Variants in IL1RL2 observed in about 807,000 individuals in gnomAD.
The protein encoded by IL1RL2 is interleukin-1 receptor-like 2.
A neutral mutation model predicts 66.8 loss-of-function variants in IL1RL2; 68 were observed. The observed-to-expected ratio is 1.02, with a 90% CI of 0.84 to 1.25. The LOEUF is 1.25. IL1RL2 is among the 50% of genes most tolerant of loss of function. The pLI is 0.00. For missense variants in IL1RL2, 729 were observed against 709.3 expected, an observed-to-expected ratio of 1.03 and a Z score of -0.32; for synonymous variants, 305 against 264.6, an observed-to-expected ratio of 1.15 and a Z score of -1.48.
At position 102,234,906 on chromosome 2, in the gene IL1RL2, A is replaced by G. The variant is rs1674717262; in HGVS notation, c.1307A>G (p.Asn436Ser). The G allele has an allele frequency of 3.1e-6, 5 of 1,611,318 alleles. No individual in the cohort carries two copies. The highest frequency in any genetic ancestry group is 1.3e-5 in the African/African-American group (1 of 74,962). ...CTTTCTTTATTTCCAGCCGTGGCCA[A>G]TGTCATCGATGAAAACGTTAAGCTG... ...RDEFPGQAVA[N>S]VIDENVKLCR... Residue 436 changes from asparagine to serine, a missense_variant, in exon 11 of 12, where the codon AAT becomes AGT. Transcript: ENST00000264257.
At chr2:102,241,817 G>A (rs1675238799), downstream of IL1RL2, among the ~76,000 whole-genome samples, 1 of 152,172 alleles carries the variant, frequency 6.6e-6, no homozygotes. Flanking sequence ...GGTATTTCAC[G>A]ATGTTACAGC....
chr2:102,200,645 G>A (rs1208870514), intron 4 of IL1RL2, among the ~76,000 whole-genome samples: 2 of 152,210 alleles, frequency 1.3e-5, no homozygotes, highest in Non-Finnish European at 2.9e-5. Flanking sequence ...TCACTCTGTG[G>A]ACTGCAGCTT....
intron 9 of IL1RL2, among the ~76,000 whole-genome samples, chr2:102,231,557 A>C (rs1004727007): frequency 7.3e-6 from 1 of 136,908 alleles, no homozygotes; most frequent in Non-Finnish European, 1.5e-5. Flanking sequence ...TCCCATGTTC[A>C]TTGTGAGTTT....
At chr2:102,197,506 C>G (rs1687888139) in intron 4 of IL1RL2, among the ~76,000 whole-genome samples, 1 of 152,140 alleles carries the variant, frequency 6.6e-6, no homozygotes, top group South Asian at 2.1e-4. Flanking sequence ...GTGTAATGCC[C>G]ATGGTGAGTC....
chr2:102,213,139 C>G (rs1255610472), intron 6 of IL1RL2, among the ~76,000 whole-genome samples: 1 of 152,080 alleles, frequency 6.6e-6, no homozygotes, highest in African/African-American at 2.4e-5. Context: ...AAATACAATA[C>G]AACAAAACAA....
At chr2:102,236,310 G>A (rs1674878347) in intron 11 of IL1RL2, among the ~76,000 whole-genome samples, 1 of 152,126 alleles carries the variant, frequency 6.6e-6, no homozygotes, top group East Asian at 1.9e-4. Flanking sequence ...AGGGGCGAGA[G>A]AGGGAGCCAG....
At chr2:102,242,102 C>T (rs1036149862), downstream of IL1RL2, among the ~76,000 whole-genome samples, 1 of 152,178 alleles carries the variant, frequency 6.6e-6, no homozygotes, top group African/African-American at 2.4e-5. Flanking sequence ...CGCAAGTCTG[C>T]TGTGAAATAA....
At chr2:102,219,731 C>T in intron 7 of IL1RL2, 150 bp from the exon 8 acceptor site, 1 of 679,886 alleles carries the variant, frequency 1.5e-6, no homozygotes. Flanking sequence ...AATCTACAAA[C>T]CTCACTGGGC....
At chr2:102,242,698 T>TC (rs1184260960), downstream of IL1RL2, among the ~76,000 whole-genome samples, 1 of 152,100 alleles carries the variant, frequency 6.6e-6, no homozygotes, top group Non-Finnish European at 1.5e-5. Flanking sequence ...TCTTACTGAG[T>TC]CCATTGATTC....
chr2:102,191,448 A>C (rs1687224117), intron 3 of IL1RL2, among the ~76,000 whole-genome samples: 1 of 152,224 alleles, frequency 6.6e-6, no homozygotes, highest in African/African-American at 2.4e-5. Context: ...ATCTGGGATC[A>C]TGCATTGCAT....
chr2:102,216,387 C>T (rs1689612678), intron 6 of IL1RL2, among the ~76,000 whole-genome samples: 1 of 151,976 alleles, frequency 6.6e-6, no homozygotes, highest in Non-Finnish European at 1.5e-5. Context: ...TTTTGTTTTC[C>T]ATTTGCATGG....
intron 5 of IL1RL2, among the ~76,000 whole-genome samples, chr2:102,207,723 A>T (rs997877538): frequency 6.6e-6 from 1 of 151,818 alleles, no homozygotes; most frequent in Non-Finnish European, 1.5e-5. Flanking sequence ...TGATGCCCAC[A>T]CTCCCTTGGC....
Position 102,225,993 on chromosome 2 carries a change from A to T in IL1RL2, c.1087A>T (p.Ile363Phe). 1 of 1,607,656 alleles carries T rather than the reference A, an allele frequency of 6.2e-7. No individual in the cohort carries two copies. The highest frequency in any genetic ancestry group is 8.5e-7 in the Non-Finnish European group (1 of 1,176,884). The change falls in exon 9 of 12, where the codon ATT becomes TTT. Residue 363 changes from isoleucine to phenylalanine, a missense_variant. Ile to Phe is a conservative substitution (Grantham distance 21). Transcript: ENST00000264257. ...VYIYNIFKID[I>F]VLWYRSAFHS... ...CATATACAACATTTTTAAGATCGACATTGTTCTTTGGTATCGAAGTGCCTT... is the reference window on the plus strand; with the variant it reads ...CATATACAACATTTTTAAGATCGACTTTGTTCTTTGGTATCGAAGTGCCTT...
chr2:102,226,209 C>A (rs1481057481), intron 9 of IL1RL2, among the ~76,000 whole-genome samples, 168 bp downstream of exon 9: 1 of 152,192 alleles, frequency 6.6e-6, no homozygotes, highest in African/African-American at 2.4e-5. Context: ...TCCCTAATCA[C>A]CAGCATCATT....
At chr2:102,223,158 T>C (rs1057318799) in intron 8 of IL1RL2, among the ~76,000 whole-genome samples, 1 of 152,210 alleles carries the variant, frequency 6.6e-6, no homozygotes, top group African/African-American at 2.4e-5. Context: ...TTATCTCAAA[T>C]GTAGAGTATT....
At chr2:102,215,978 G>GA (rs1207817217) in intron 6 of IL1RL2, among the ~76,000 whole-genome samples, 1 of 152,028 alleles carries the variant, frequency 6.6e-6, no homozygotes, top group Non-Finnish European at 1.5e-5. Flanking sequence ...CAGGAAACAT[G>GA]AAAAAACAGG....
intron 7 of IL1RL2, among the ~76,000 whole-genome samples, 164 bp downstream of exon 7, chr2:102,219,246 T>C (rs2241130): frequency 0.16 from 24,226 of 152,132 alleles, 2,383 homozygotes; most frequent in Admixed American, 0.29. Flanking sequence ...AAAGACCAGG[T>C]ATCCCTGAGA....
intron 4 of IL1RL2, among the ~76,000 whole-genome samples, chr2:102,195,647 CTTTCTT>C (rs776154618): frequency 0.22 from 11,809 of 54,384 alleles, 1,493 homozygotes; most frequent in Middle Eastern, 0.3. Context: ...CTCTCTCTCT[CTTTCTT>C]TCTTTCTTTC....
At chr2:102,195,773 G>C (rs984414826) in intron 4 of IL1RL2, among the ~76,000 whole-genome samples, 4 of 148,834 alleles carry the variant, frequency 2.7e-5, no homozygotes, top group African/African-American at 1.0e-4. Flanking sequence ...GAGGGCAGTG[G>C]TGCGGTCTTG....
Sources: gnomAD v4.1 joint callset for allele counts (sites outside exome capture counted in the v4.1 genomes callset) on GRCh38, gnomAD v4.1.1 for gene constraint, MANE v1.5 for transcripts, NCBI Gene and HGNC (gene_info 2026-07-23, HGNC 2026-07-21) for gene names.